Variants in NCKAP5 observed in about 807,000 individuals in gnomAD.
The protein encoded by NCKAP5 is nck-associated protein 5.
Under a neutral mutation model 167.0 loss-of-function variants are expected in NCKAP5, and 92 were observed. The observed-to-expected ratio is 0.55, with a 90% confidence interval of 0.47 to 0.66. The LOEUF is 0.66. NCKAP5 is among the 30% of genes least tolerant of loss of function. NCKAP5 has a pLI of 0.00. For synonymous variants in NCKAP5, 891 were observed against 877.4 expected, an observed-to-expected ratio of 1.02 and a Z score of -0.27; for missense variants, 2,378 against 2,315.0, an observed-to-expected ratio of 1.03 and a Z score of -0.56.
chr2:133,337,794 G>A (rs1683312358), intron 3 of NCKAP5, among the ~76,000 whole-genome samples: 6 of 152,204 alleles, frequency 3.9e-5, no homozygotes, highest in Admixed American at 3.9e-4. Flanking sequence ...AAGCCACTCA[G>A]TCTGTGGTAT....
At chr2:133,208,051 A>G (rs2086034627) in intron 5 of NCKAP5, among the ~76,000 whole-genome samples, 1 of 152,160 alleles carries the variant, frequency 6.6e-6, no homozygotes, top group Non-Finnish European at 1.5e-5. Context: ...CAACAGTGAC[A>G]AGCTGGGCCA....
chr2:133,360,242 G>C (rs1039314098), intron 3 of NCKAP5, among the ~76,000 whole-genome samples: 1 of 152,156 alleles, frequency 6.6e-6, no homozygotes, highest in Non-Finnish European at 1.5e-5. Flanking sequence ...TGATGAATTC[G>C]GCAGCTTGTC....
chr2:133,171,738 G>A (rs1417185703), intron 5 of NCKAP5, among the ~76,000 whole-genome samples: 11 of 152,186 alleles, frequency 7.2e-5, no homozygotes, highest in Non-Finnish European at 2.9e-5. Context: ...TAGATCCGCC[G>A]TAGTTCTCAT....
At chr2:133,021,658 G>A (rs2078532726) in intron 6 of NCKAP5, among the ~76,000 whole-genome samples, 1 of 152,142 alleles carries the variant, frequency 6.6e-6, no homozygotes, top group African/African-American at 2.4e-5. Flanking sequence ...CAGAGACAGA[G>A]TCTTGCTCTG....
intron 3 of NCKAP5, among the ~76,000 whole-genome samples, chr2:133,420,228 A>G: frequency 6.6e-6 from 1 of 152,250 alleles, no homozygotes; most frequent in East Asian, 1.9e-4. Flanking sequence ...ATTTCCATCA[A>G]TGATAAAAGA....
chr2:132,937,131 C>T (rs1220137642), intron 8 of NCKAP5, among the ~76,000 whole-genome samples: 1 of 152,092 alleles, frequency 6.6e-6, no homozygotes, highest in Non-Finnish European at 1.5e-5. Context: ...TAGAGAGCTG[C>T]CCCCATAAAT....
At chr2:133,072,342 C>T (rs1033762555) in intron 6 of NCKAP5, among the ~76,000 whole-genome samples, 2 of 152,092 alleles carry the variant, frequency 1.3e-5, no homozygotes, top group Admixed American at 6.5e-5. Flanking sequence ...GATCCTTTCC[C>T]TCTCTGCCCT....
At chr2:133,108,116 CT>C (rs111233961) in intron 6 of NCKAP5, among the ~76,000 whole-genome samples, 2,918 of 152,246 alleles carry the variant, frequency 0.019, 90 homozygotes, top group African/African-American at 0.067. Context: ...TCTTAGTTTG[CT>C]GTTTTCTGTG....
At chr2:132,984,851 C>G (rs992869335) in intron 7 of NCKAP5, among the ~76,000 whole-genome samples, 2 of 150,742 alleles carry the variant, frequency 1.3e-5, no homozygotes, top group Non-Finnish European at 2.9e-5. Context: ...CGTGATTTTG[C>G]TCTGTTCAAA....
At chr2:133,352,041 G>A (rs377400375) in intron 3 of NCKAP5, among the ~76,000 whole-genome samples, 45 of 152,250 alleles carry the variant, frequency 3.0e-4, no homozygotes, top group African/African-American at 1.0e-3. Context: ...ACTGGCCTCT[G>A]GAGGGGTGAC....
At chr2:133,206,690 G>A (rs970624116) in intron 5 of NCKAP5, among the ~76,000 whole-genome samples, 1 of 152,146 alleles carries the variant, frequency 6.6e-6, no homozygotes, top group Non-Finnish European at 1.5e-5. Flanking sequence ...GGGAACAAGG[G>A]TGACTGCTTG....
At chr2:133,499,666 T>A (rs1442057742) in intron 3 of NCKAP5, among the ~76,000 whole-genome samples, 1 of 152,162 alleles carries the variant, frequency 6.6e-6, no homozygotes, top group Non-Finnish European at 1.5e-5. Flanking sequence ...TTCAAGTGAT[T>A]CTCCTGCATC....
At chr2:133,162,889 T>G (rs866628130) in intron 5 of NCKAP5, among the ~76,000 whole-genome samples, 23 of 152,158 alleles carry the variant, frequency 1.5e-4, no homozygotes, top group African/African-American at 4.8e-4. Context: ...TCATACGTTA[T>G]TTTTTTCCAT....
At chr2:132,800,376 G>C (rs1419807216) in intron 11 of NCKAP5, among the ~76,000 whole-genome samples, 4 of 152,120 alleles carry the variant, frequency 2.6e-5, no homozygotes, top group African/African-American at 9.7e-5. Flanking sequence ...TTTTATTTTA[G>C]ACATGAAAAG....
At chr2:133,177,782 C>A (rs1304595841) in intron 5 of NCKAP5, among the ~76,000 whole-genome samples, 1 of 152,158 alleles carries the variant, frequency 6.6e-6, no homozygotes, top group African/African-American at 2.4e-5. Flanking sequence ...AGCTCCCCAT[C>A]CCCACAATGT....
Position 133,492,685 on chromosome 2 carries a change from G to T in NCKAP5, c.69+24773C>A, listed in dbSNP as rs181586004. On this transcript the variant is annotated intron_variant, in intron 3 of 19. Transcript: ENST00000409261. Reference sequence around the variant, plus strand: ...CACAGGGATGTTAGATATATAACCTGTGAGATTGTATATGGAAAGAAGAAA... The same window carrying T: ...CACAGGGATGTTAGATATATAACCTTTGAGATTGTATATGGAAAGAAGAAA... Among the ~76,000 whole-genome samples, 577 of 152,340 alleles carry T rather than the reference G, an allele frequency of 3.8e-3. 3 individuals carry two copies. In the Middle Eastern group the frequency reaches 0.048, roughly 13 times the overall value.
chr2:133,374,447 C>T (rs768931212), intron 3 of NCKAP5, among the ~76,000 whole-genome samples: 1 of 152,292 alleles, frequency 6.6e-6, no homozygotes, highest in East Asian at 1.9e-4. Context: ...ATAGAATGTA[C>T]ACTAAGAATG....
intron 3 of NCKAP5, among the ~76,000 whole-genome samples, chr2:133,382,485 C>T (rs187208662): frequency 2.0e-4 from 30 of 152,228 alleles, no homozygotes; most frequent in South Asian, 6.2e-4. Context: ...CCGCTGTCTA[C>T]GTCTCCTGCC....
chr2:132,795,691 C>T (rs1574249499), intron 12 of NCKAP5, among the ~76,000 whole-genome samples: 1 of 151,478 alleles, frequency 6.6e-6, no homozygotes, highest in African/African-American at 2.4e-5. Flanking sequence ...TGGCGGCGGG[C>T]GCCTATAATC....
Sources: allele counts gnomAD v4.1 joint callset (sites outside exome capture counted in the v4.1 genomes callset), GRCh38; gene constraint gnomAD v4.1.1; transcripts MANE v1.5; gene names NCBI Gene and HGNC (gene_info 2026-07-23, HGNC 2026-07-21).